The following TRIM26 variants were observed in gnomAD, a reference collection of about 807,000 sequenced individuals.
TRIM26 encodes the protein tripartite motif containing 26, also known as tripartite motif-containing protein 26.
Under a neutral mutation model 45.5 loss-of-function variants are expected in TRIM26, and 16 were observed. The ratio of observed to expected loss-of-function variants is 0.35; its 90% CI spans 0.24 to 0.53. The LOEUF (loss-of-function observed/expected upper bound fraction) is 0.53. Among genes scored for constraint, TRIM26 ranks in the 20% least tolerant of loss-of-function variants. The pLI is 0.92. For synonymous variants in TRIM26, 273 were observed against 290.4 expected, an observed-to-expected ratio of 0.94 and a Z score of 0.61; for missense variants, 442 against 691.1, an observed-to-expected ratio of 0.64 and a Z score of 4.04.
chr6:30,200,282 AAAAC>A lies in TRIM26; in HGVS notation c.-162+749_-162+752del, dbSNP rs1179754455. On this transcript the variant is annotated intron_variant, in intron 3 of 9. Transcript: ENST00000454678. ...GGGCAACAGAATAAGAGACTGTCTC[AAAAC>A]AAACAAAAAACCAGAAAACATTAAA... 3.3e-5 allele frequency among the ~76,000 whole-genome samples: 5 copies of A among 152,052 alleles called. No homozygotes were observed. In the East Asian group the frequency reaches 9.6e-4, roughly 29 times the overall value.
chr6:30,194,424 C>T (rs1412985370), intron 6 of TRIM26, among the ~76,000 whole-genome samples: 1 of 152,090 alleles, frequency 6.6e-6, no homozygotes, highest in African/African-American at 2.4e-5. Context: ...ATATAATTAA[C>T]TATAATTTAC....
intron 1 of TRIM26, among the ~76,000 whole-genome samples, chr6:30,208,856 A>G (rs1435875866): frequency 1.3e-5 from 2 of 151,248 alleles, no homozygotes; most frequent in Admixed American, 6.6e-5. Context: ...CCAACACCTG[A>G]TAATATCAGC....
At chr6:30,187,404 A>C (rs1234794384) in intron 9 of TRIM26, 1 of 447,948 alleles carries the variant, frequency 2.2e-6, no homozygotes, top group African/African-American at 2.0e-5. Context: ...TGCCCTTGTA[A>C]CCTGTCCATT....
At chr6:30,193,118 G>GTA (rs879935271) in intron 6 of TRIM26, among the ~76,000 whole-genome samples, 111 of 78,158 alleles carry the variant, frequency 1.4e-3, no homozygotes, top group African/African-American at 5.6e-3. Flanking sequence ...ATATATATGT[G>GTA]TATATATATA....
intron 2 of TRIM26, among the ~76,000 whole-genome samples, chr6:30,203,234 G>C (rs954463282): frequency 1.3e-5 from 2 of 151,690 alleles, no homozygotes; most frequent in African/African-American, 4.8e-5. Flanking sequence ...TTGTAGAGAA[G>C]AGTTGCCACT....
chr6:30,208,904 A>ATC (rs71550189), intron 1 of TRIM26, among the ~76,000 whole-genome samples: 8,565 of 140,764 alleles, frequency 0.061, 368 homozygotes, highest in African/African-American at 0.093. Flanking sequence ...GATATAGAAT[A>ATC]TGTGTGTGTG....
rs764586088 is a variant in TRIM26 at position 30,196,549 on chromosome 6, G to A, written c.732C>T (p.Gly244=). ...GCTCTGCAGCTGGCTGCTGCGCCTT[G>A]CCCTCCAGTTCGGAGATGACCAGGG... ...RLALVISELE[G]KAQQPAAELM... The change falls in exon 6 of 10, where the codon GGC becomes GGT. Residue 244 remains glycine (G), a synonymous_variant. Transcript: ENST00000454678. The surrounding 1 kb of genome is among the most constrained non-coding windows in gnomAD (Gnocchi z 4.9). 1.2e-6 allele frequency: 2 copies of A among 1,610,704 alleles called. No individual in the cohort carries two copies. Among genetic ancestry groups the A allele is most frequent in the South Asian group, 1.1e-5 (1 of 91,080 alleles).
rs1562189858 is a variant in TRIM26 at position 30,189,393 on chromosome 6, C to T, written c.904+25G>A. 1.2e-6 allele frequency: 2 copies of T among 1,610,602 alleles called. No homozygotes were observed. The highest frequency in any genetic ancestry group is 1.7e-6 in the Non-Finnish European group (2 of 1,177,872). ...GAGGTAGCCCTGCTCTGACTCCCAC[C>T]CTTTGTGCGCTCCCCAACCCTTACC... On this transcript the variant is annotated intron_variant, in intron 8 of 9. Transcript: ENST00000454678. This position sits in a 1 kb window ranked among gnomAD's most constrained non-coding sequence, Gnocchi z 5.0.
intron 2 of TRIM26, among the ~76,000 whole-genome samples, chr6:30,202,364 A>C (rs1777270799): frequency 6.6e-6 from 1 of 152,240 alleles, no homozygotes. Context: ...AGAATTAGAA[A>C]ATCATTTTGC....
intron 3 of TRIM26, among the ~76,000 whole-genome samples, chr6:30,199,793 C>T (rs1218178289): frequency 2.2e-4 from 33 of 152,104 alleles, no homozygotes; most frequent in African/African-American, 8.0e-4. Flanking sequence ...CCCACCACCA[C>T]ACCTGGCTAA....
In TRIM26 at chr6:30,190,065, CA is replaced by C; in HGVS notation, c.766-31del. 1 of 1,611,908 alleles carries C rather than the reference CA, an allele frequency of 6.2e-7. No homozygotes were observed. Among genetic ancestry groups the C allele is most frequent in the South Asian group, 1.1e-5 (1 of 91,032 alleles). On this transcript the variant is annotated intron_variant, in intron 6 of 9. Transcript: ENST00000454678. The surrounding 1 kb of genome is among the most constrained non-coding windows in gnomAD (Gnocchi z 4.3). ...AAGGGAAAGAAAAAAGCACAAGTAT[CA>C]ATATGAATCAAATAAGACTTCAATG...
chr6:30,199,183 A>T lies in TRIM26; in HGVS notation c.-80T>A. On this transcript the variant is annotated 5_prime_UTR_variant, in exon 4 of 10. The change creates a new upstream start codon in the 5' untranslated region. Coordinates refer to ENST00000454678, the MANE Select transcript of TRIM26 (RefSeq NM_003449.5). ...GAGACGCGACATAGAGTCAGGAGCAAGCACAGTAAAGGGGCAAAGGTGGCA... is the reference window on the plus strand; with the variant it reads ...GAGACGCGACATAGAGTCAGGAGCATGCACAGTAAAGGGGCAAAGGTGGCA... The T allele has an allele frequency of 7.0e-7, 1 of 1,433,488 alleles. No homozygotes were observed. The highest frequency in any genetic ancestry group is 9.3e-7 in the Non-Finnish European group (1 of 1,072,344). 88.8% of individuals were successfully genotyped at this position (1,433,488 alleles called of 1,614,324 possible).
At position 30,198,434 on chromosome 6, in the gene TRIM26, C is replaced by A; in HGVS notation, c.529G>T (p.Ala177Ser). The change falls in exon 5 of 10, where the codon GCG (alanine) becomes TCG (serine). Residue 177 changes from alanine (A) to serine (S), a missense_variant. Ala to Ser is a moderately conservative substitution (Grantham distance 99). Transcript: ENST00000454678. The surrounding 1 kb of genome is among the most constrained non-coding windows in gnomAD (Gnocchi z 6.3). ...CCTGAAACAGCCTCACTTACCAGCG[C>A]GGCCAGGATATCAGCTTCTCCCTTT... is the stretch of plus-strand genomic sequence containing the variant. ...QAKGEADILAALKKLQDQRQY... is the reference protein window; with the variant it reads ...QAKGEADILASLKKLQDQRQY... The A allele has an allele frequency of 1.2e-6, 2 of 1,613,066 alleles. No individual in the cohort carries two copies. Among genetic ancestry groups the A allele is most frequent in the African/African-American group, 1.3e-5 (1 of 75,056 alleles).
In TRIM26 at chr6:30,196,776, G is replaced by A. The variant is rs1475593004; in HGVS notation, c.535-30C>T. On this transcript the variant is annotated intron_variant, in intron 5 of 9. Transcript: ENST00000454678. This position sits in a 1 kb window ranked among gnomAD's most constrained non-coding sequence, Gnocchi z 4.9. ...AGGGGGCAGGAAGGGGAGAAGGGCTGACACCTCTGCTCAGGGTGGAGGGCC... is the reference window on the plus strand; with the variant it reads ...AGGGGGCAGGAAGGGGAGAAGGGCTAACACCTCTGCTCAGGGTGGAGGGCC... The A allele has an allele frequency of 1.2e-6, 2 of 1,610,430 alleles. No individual in the cohort carries two copies. The highest frequency in any genetic ancestry group is 1.7e-6 in the Non-Finnish European group (2 of 1,177,322).
chr6:30,208,218 C>T (rs983984778), intron 1 of TRIM26, among the ~76,000 whole-genome samples: 1 of 152,238 alleles, frequency 6.6e-6, no homozygotes, highest in African/African-American at 2.4e-5. Context: ...TGCCCTTTCT[C>T]TCCAGCAAGA....
chr6:30,198,207 C>T lies in TRIM26; in HGVS notation c.534+222G>A, dbSNP rs1195097047. Among the ~76,000 whole-genome samples the T allele has an allele frequency of 6.6e-6, 1 of 152,222 alleles. No homozygotes were observed. Among genetic ancestry groups the T allele is most frequent in the African/African-American group, 2.4e-5 (1 of 41,448 alleles). The stretch of plus-strand genomic sequence containing the variant: ...AACGGAAGGGACTCTAGCTGACATC[C>T]AGGCAGCCCACTTGTCTCTCAGACA... On this transcript the variant is annotated intron_variant, in intron 5 of 9. Transcript: ENST00000454678. The surrounding 1 kb of genome is among the most constrained non-coding windows in gnomAD (Gnocchi z 6.3).
At chr6:30,210,131 G>C (rs1358530020) in intron 1 of TRIM26, among the ~76,000 whole-genome samples, 4 of 151,976 alleles carry the variant, frequency 2.6e-5, no homozygotes, top group Admixed American at 2.6e-4. Flanking sequence ...CTTGAACCCA[G>C]GAGGCGGAGG....
chr6:30,212,867 G>A (rs1778418268), intron 1 of TRIM26, among the ~76,000 whole-genome samples: 2 of 148,624 alleles, frequency 1.3e-5, no homozygotes, highest in Non-Finnish European at 3.0e-5. Context: ...GCTGGAAGGA[G>A]TGAAAGCACA....
In TRIM26 at chr6:30,189,443, C is replaced by T; in HGVS notation, c.879G>A (p.Leu293=). ...TGEFSDKLLS[L]QRGLREFQGK... is the part of the protein sequence containing the mutation. ...CCTGGAATTCCCTCAGGCCTCGTTG[C>T]AGAGAGAGGAGTTTATCTGAGAATT... Residue 293 remains leucine (L), a synonymous_variant, in exon 8 of 10, where the codon CTG becomes CTA. Coordinates refer to ENST00000454678, the MANE Select transcript of TRIM26 (RefSeq NM_003449.5). This position sits in a 1 kb window ranked among gnomAD's most constrained non-coding sequence, Gnocchi z 5.0. The T allele has an allele frequency of 6.2e-7, 1 of 1,612,988 alleles. No individual in the cohort carries two copies. The highest frequency in any genetic ancestry group is 8.5e-7 in the Non-Finnish European group (1 of 1,180,026).
Sources: gnomAD v4.1 joint callset for allele counts (sites outside exome capture counted in the v4.1 genomes callset) on GRCh38, gnomAD v4.1.1 for gene constraint, Gnocchi (gnomAD v3.1) non-coding constraint, MANE v1.5 for transcripts, NCBI Gene and HGNC (gene_info 2026-07-23, HGNC 2026-07-21) for gene names.